The following LIMCH1 variants were observed in gnomAD, a reference collection of about 807,000 sequenced individuals.
LIMCH1 encodes the protein LIM and calponin homology domains-containing protein 1.
A neutral mutation model predicts 176.5 loss-of-function variants in LIMCH1; 113 were observed. That is an observed-to-expected ratio of 0.64 (90% CI 0.55 to 0.75). The LOEUF (loss-of-function observed/expected upper bound fraction) is 0.75. LIMCH1 is among the 30% of genes least tolerant of loss of function. LIMCH1 has a pLI of 0.00. For synonymous variants in LIMCH1, 619 were observed against 645.9 expected (o/e 0.96, Z 0.63); for missense variants, 1,674 against 1,814.9 (o/e 0.92, Z 1.41).
At chr4:41,508,593 G>C (rs1471560798) in intron 2 of LIMCH1, among the ~76,000 whole-genome samples, 2 of 152,192 alleles carry the variant, frequency 1.3e-5, no homozygotes, top group African/African-American at 4.8e-5. Flanking sequence ...GGCCACATTA[G>C]GAAAGAGCCG....
chr4:41,591,106 G>A (rs894377878), intron 1 of LIMCH1, among the ~76,000 whole-genome samples: 4 of 152,156 alleles, frequency 2.6e-5, no homozygotes, highest in Admixed American at 6.5e-5. Flanking sequence ...ATTATTGTTG[G>A]TTATGGGTTT....
chr4:41,483,653 G>A (rs550438764), intron 1 of LIMCH1, among the ~76,000 whole-genome samples: 41 of 152,080 alleles, frequency 2.7e-4, no homozygotes, highest in Non-Finnish European at 5.4e-4. Context: ...CCCACCTGCC[G>A]GGAACCCTGT....
intron 18 of LIMCH1, among the ~76,000 whole-genome samples, chr4:41,660,374 G>C (rs1440338485): frequency 3.3e-5 from 5 of 152,118 alleles, no homozygotes; most frequent in African/African-American, 1.2e-4. Flanking sequence ...AAGCATTAGA[G>C]TAATTACTGG....
At chr4:41,486,576 GGC>G (rs2069578604) in intron 1 of LIMCH1, among the ~76,000 whole-genome samples, 2 of 152,128 alleles carry the variant, frequency 1.3e-5, no homozygotes, top group Admixed American at 6.5e-5. Context: ...AGTTGAGACA[GGC>G]CATCCCAAAT....
chr4:41,584,578 A>C (rs1036924415), intron 1 of LIMCH1, among the ~76,000 whole-genome samples: 2 of 152,196 alleles, frequency 1.3e-5, no homozygotes, highest in African/African-American at 4.8e-5. Context: ...TGAACTCTCA[A>C]GTGGGGAGTA....
At chr4:41,524,089 G>C (rs2076379920) in intron 2 of LIMCH1, among the ~76,000 whole-genome samples, 1 of 152,126 alleles carries the variant, frequency 6.6e-6, no homozygotes, top group Non-Finnish European at 1.5e-5. Flanking sequence ...GTAATACCTG[G>C]TTCCAGTTCC....
chr4:41,697,199 C>T lies in LIMCH1; in HGVS notation c.*14C>T. The stretch of plus-strand genomic sequence containing the variant: ...ACAACATTGTGACACGGCTTTCAAG[C>T]TTCCGGATCACTCACCATTTCTTTA... On this transcript the variant is annotated 3_prime_UTR_variant, in exon 32 of 32. Transcript: ENST00000503057. 1 of 1,613,170 alleles carries T rather than the reference C, an allele frequency of 6.2e-7. No homozygotes were observed. The highest frequency in any genetic ancestry group is 8.5e-7 in the Non-Finnish European group (1 of 1,179,200).
At chr4:41,627,654 G>T (rs544727589) in intron 8 of LIMCH1, among the ~76,000 whole-genome samples, 2 of 152,300 alleles carry the variant, frequency 1.3e-5, no homozygotes, top group Non-Finnish European at 2.9e-5. Flanking sequence ...CTTAATACAT[G>T]TTGGAGTGAA....
intron 1 of LIMCH1, among the ~76,000 whole-genome samples, chr4:41,410,863 C>T (rs1426016106): frequency 6.6e-6 from 1 of 152,174 alleles, no homozygotes; most frequent in Non-Finnish European, 1.5e-5. Context: ...TTTTGCCAGG[C>T]CCTGCTCCCT....
chr4:41,485,612 A>G (rs1582953531), intron 1 of LIMCH1, among the ~76,000 whole-genome samples: 3 of 152,294 alleles, frequency 2.0e-5, no homozygotes, highest in East Asian at 1.9e-4. Flanking sequence ...GTAGTGTCCA[A>G]TAGTTTTTGT....
chr4:41,513,208 A>G (rs2152365917), intron 2 of LIMCH1, among the ~76,000 whole-genome samples: 1 of 152,376 alleles, frequency 6.6e-6, no homozygotes, highest in South Asian at 2.1e-4. Flanking sequence ...AGGCCATGGA[A>G]TGGAAGAATG....
chr4:41,531,384 T>TA (rs11334907), intron 3 of LIMCH1, among the ~76,000 whole-genome samples: 3 of 150,108 alleles, frequency 2.0e-5, no homozygotes, highest in South Asian at 2.1e-4. Flanking sequence ...ACTGGAGTCT[T>TA]AAAAAAAAAG....
intron 1 of LIMCH1, among the ~76,000 whole-genome samples, chr4:41,581,993 T>C (rs2085568451): frequency 6.6e-6 from 1 of 152,158 alleles, no homozygotes; most frequent in Admixed American, 6.5e-5. Flanking sequence ...TGTCAGATTT[T>C]CTTTATCCGT....
At chr4:41,392,423 A>G (rs1244519299) in intron 1 of LIMCH1, among the ~76,000 whole-genome samples, 5 of 152,162 alleles carry the variant, frequency 3.3e-5, no homozygotes, top group Non-Finnish European at 7.3e-5. Flanking sequence ...AACTCAATGG[A>G]TATTTTGGAG....
chr4:41,644,689 G>A, intron 15 of LIMCH1, 63 bp downstream of exon 15: 1 of 1,551,600 alleles, frequency 6.4e-7, no homozygotes. Flanking sequence ...ATCCAGCCGG[G>A]TGGGTAGACG....
At chr4:41,465,034 C>T (rs1024894356) in intron 1 of LIMCH1, among the ~76,000 whole-genome samples, 1 of 152,172 alleles carries the variant, frequency 6.6e-6, no homozygotes, top group African/African-American at 2.4e-5. Flanking sequence ...TTTGGGTGCA[C>T]ATTCTGTATG....
intron 1 of LIMCH1, among the ~76,000 whole-genome samples, chr4:41,372,711 G>A (rs978930695): frequency 6.6e-6 from 1 of 152,194 alleles, no homozygotes; most frequent in African/African-American, 2.4e-5. Context: ...TATTGTCTGT[G>A]TGTGTGTTTT....
In LIMCH1 at chr4:41,605,922, A is replaced by C; in HGVS notation, c.-74A>C. ...TTAGTTACCATTTACTGGCTGGGAA[A>C]AGCAGCAAACAGCTGCACATCCTAC... On this transcript the variant is annotated 5_prime_UTR_variant, in exon 4 of 32. Coordinates refer to ENST00000503057, the MANE Select transcript of LIMCH1 (RefSeq NM_001330672.2). 1.9e-6 allele frequency: 3 copies of C among 1,613,554 alleles called. No homozygotes were observed. Among genetic ancestry groups the C allele is most frequent in the Non-Finnish European group, 2.5e-6 (3 of 1,179,592 alleles).
chr4:41,526,620 A>G (rs1277554812), intron 3 of LIMCH1, among the ~76,000 whole-genome samples: 1 of 152,062 alleles, frequency 6.6e-6, no homozygotes, highest in Non-Finnish European at 1.5e-5. Flanking sequence ...CCATGACTTC[A>G]GCTCTCCATG....
Sources: gnomAD v4.1 joint callset for allele counts (sites outside exome capture counted in the v4.1 genomes callset) on GRCh38, gnomAD v4.1.1 for gene constraint, MANE v1.5 for transcripts, NCBI Gene and HGNC (gene_info 2026-07-23, HGNC 2026-07-21) for gene names.